SDHC: variants seen among roughly 807,000 people sequenced by gnomAD.
SDHC encodes the protein succinate dehydrogenase complex subunit C.
Under a neutral mutation model 22.6 loss-of-function variants are expected in SDHC, and 11 were observed. That is an observed-to-expected ratio of 0.49 (90% confidence interval 0.31 to 0.81). The LOEUF (loss-of-function observed/expected upper bound fraction) is 0.81. Ranked by LOEUF, SDHC falls within the 30% of genes least tolerant of loss-of-function variation. The pLI, the probability that SDHC is intolerant of heterozygous loss-of-function variation, is 0.05. For synonymous variants in SDHC, 80 were observed against 77.8 expected, an observed-to-expected ratio of 1.03 and a Z score of -0.15; for missense variants, 160 against 212.0, an observed-to-expected ratio of 0.75 and a Z score of 1.52.
At chr1:161,329,274 C>T (rs57931640) in intron 3 of SDHC, among the ~76,000 whole-genome samples, 4,852 of 152,180 alleles carry the variant, frequency 0.032, 181 homozygotes, top group East Asian at 0.17. Flanking sequence ...CTGAATGATA[C>T]AAGAAGAAGT....
intron 1 of SDHC, 168 bp downstream of exon 1, chr1:161,314,593 C>T: frequency 1.3e-6 from 1 of 771,814 alleles, no homozygotes. Context: ...CCGTCCCCCC[C>T]AGCCGCTCCG....
chr1:161,346,943 T>G (rs147185369), intron 4 of SDHC, among the ~76,000 whole-genome samples: 64 of 152,340 alleles, frequency 4.2e-4, no homozygotes, highest in African/African-American at 1.5e-3. Context: ...AATAGTTATA[T>G]TGTTTATGGA....
At chr1:161,356,559 A>G in intron 4 of SDHC, 118 bp from the exon 5 acceptor site, 1 of 1,091,890 alleles carries the variant, frequency 9.2e-7, no homozygotes, top group Non-Finnish European at 1.4e-6. Context: ...GAAAACAAAA[A>G]TCTTCTCCAT....
rs554875410 is a variant in SDHC, at chr1:161,334,612, A to G, written c.180-5982A>G. On this transcript the variant is annotated intron_variant, in intron 3 of 5. Coordinates refer to ENST00000367975, the MANE Select transcript of SDHC (RefSeq NM_003001.5). ...TACCACCATGGCTGACTAATTTTTA[A>G]ATATTTTCTAGAAATGGAGTTTGGC... Among the ~76,000 whole-genome samples the G allele has an allele frequency of 2.0e-5, 3 of 152,010 alleles. No individual in the cohort carries two copies. The South Asian group carries it at 6.3e-4, about 32-fold the overall frequency.
At chr1:161,324,610 A>G (rs1670982344) in intron 2 of SDHC, among the ~76,000 whole-genome samples, 1 of 152,192 alleles carries the variant, frequency 6.6e-6, no homozygotes, top group Non-Finnish European at 1.5e-5. Context: ...AGATTATGCC[A>G]TATGAAATTT....
chr1:161,354,663 T>TTGTGTG (rs60151629), intron 4 of SDHC, among the ~76,000 whole-genome samples: 2,956 of 116,488 alleles, frequency 0.025, 47 homozygotes, highest in Non-Finnish European at 0.031. Flanking sequence ...TCTTATTTCT[T>TTGTGTG]TGTGTGTGTG....
chr1:161,333,886 T>G (rs943637273), intron 3 of SDHC, among the ~76,000 whole-genome samples: 1 of 152,194 alleles, frequency 6.6e-6, no homozygotes, highest in African/African-American at 2.4e-5. Flanking sequence ...TAAAAATTCT[T>G]TTAGTCCCTT....
intron 5 of SDHC, among the ~76,000 whole-genome samples, chr1:161,359,695 T>TA (rs747834792): frequency 1.3e-5 from 2 of 152,210 alleles, no homozygotes; most frequent in Non-Finnish European, 2.9e-5. Flanking sequence ...GGTCCTTAAG[T>TA]CTGCTTTTAT....
intron 1 of SDHC, among the ~76,000 whole-genome samples, chr1:161,317,562 T>G (rs1358164939): frequency 3.1e-5 from 4 of 129,528 alleles, no homozygotes; most frequent in Non-Finnish European, 6.6e-5. Context: ...TTTTTTTTTT[T>G]TTTTTTTTTT....
chr1:161,314,726 G>T, intron 1 of SDHC: 1 of 472,778 alleles, frequency 2.1e-6, no homozygotes, highest in Non-Finnish European at 3.8e-6. Context: ...CCTGCACCCA[G>T]AGCCGAGCTC....
At chr1:161,345,288 T>C (rs1671852648) in intron 4 of SDHC, among the ~76,000 whole-genome samples, 1 of 152,220 alleles carries the variant, frequency 6.6e-6, no homozygotes, top group South Asian at 2.1e-4. Context: ...GTTAGTTCTT[T>C]CTTATCCTTT....
chr1:161,362,454 C>T lies in SDHC; in HGVS notation c.*21C>T, dbSNP rs756113422. 116 of 1,612,744 alleles carry T rather than the reference C, an allele frequency of 7.2e-5. 1 individual carries two copies. In the South Asian group the frequency reaches 1.2e-3, roughly 16 times the overall value. On this transcript the variant is annotated 3_prime_UTR_variant, in exon 6 of 6. Coordinates refer to ENST00000367975, the MANE Select transcript of SDHC (RefSeq NM_003001.5). Reference sequence around the variant, plus strand: ...TGTGAAGAAAGGAGGCTCCCAGCATCATCTTCCTACACATTATTACATTCA... The same window carrying T: ...TGTGAAGAAAGGAGGCTCCCAGCATTATCTTCCTACACATTATTACATTCA...
At chr1:161,327,669 C>G (rs1011655950) in intron 2 of SDHC, among the ~76,000 whole-genome samples, 4 of 152,064 alleles carry the variant, frequency 2.6e-5, no homozygotes, top group Non-Finnish European at 5.9e-5. Flanking sequence ...TCAAGTGATT[C>G]TCCTGCCTCA....
intron 3 of SDHC, among the ~76,000 whole-genome samples, chr1:161,332,262 A>G (rs1477581328): frequency 1.3e-5 from 2 of 152,126 alleles, no homozygotes; most frequent in Non-Finnish European, 2.9e-5. Flanking sequence ...GCTGTAAGCC[A>G]CCGTGCTCAG....
At chr1:161,342,217 C>T (rs9330294) in intron 4 of SDHC, among the ~76,000 whole-genome samples, 17,812 of 152,120 alleles carry the variant, frequency 0.12, 1,420 homozygotes, top group African/African-American at 0.22. Flanking sequence ...TCTGAGTTTG[C>T]TCTCTATTAG....
intron 4 of SDHC, among the ~76,000 whole-genome samples, chr1:161,355,581 G>A (rs1672241358): frequency 6.6e-6 from 1 of 152,084 alleles, no homozygotes; most frequent in African/African-American, 2.4e-5. Flanking sequence ...TATAGTTTTA[G>A]TTCTAGCATT....
chr1:161,324,014 T>C lies in SDHC; in HGVS notation c.77+344T>C, dbSNP rs55747162. 0.12 allele frequency among the ~76,000 whole-genome samples: 17,821 copies of C among 152,166 alleles called. 1,416 individuals carry two copies. Among genetic ancestry groups the C allele is most frequent in the African/African-American group, 0.22 (8,961 of 41,500 alleles). On this transcript the variant is annotated intron_variant, in intron 2 of 5. Transcript: ENST00000367975. ...CCCGGCCCTGGAGATTATTTTTTTT[T>C]CCTTAGGGAAGAGCAATAGATTGTT...
intron 2 of SDHC, among the ~76,000 whole-genome samples, chr1:161,323,923 C>G (rs1313976522): frequency 6.6e-6 from 1 of 152,094 alleles, no homozygotes; most frequent in Non-Finnish European, 1.5e-5. Flanking sequence ...GTCTCGATCT[C>G]CTGACCTTGT....
chr1:161,360,446 C>T (rs942811467), intron 5 of SDHC, among the ~76,000 whole-genome samples: 5 of 151,632 alleles, frequency 3.3e-5, no homozygotes, highest in African/African-American at 1.2e-4. Context: ...GTCCCAGCTA[C>T]TTGGGAGGCT....
Sources: gnomAD v4.1 joint callset for allele counts (sites outside exome capture counted in the v4.1 genomes callset) on GRCh38, gnomAD v4.1.1 for gene constraint, MANE v1.5 for transcripts, NCBI Gene and HGNC (gene_info 2026-07-23, HGNC 2026-07-21) for gene names.